MGAT4C: variants seen among roughly 807,000 people sequenced by gnomAD.
The protein encoded by MGAT4C is alpha-1,3-mannosyl-glycoprotein 4-beta-N-acetylglucosaminyltransferase C.
In MGAT4C, 19 loss-of-function variants were observed where a neutral mutation model predicts 40.1. The observed-to-expected ratio is 0.47, with a 90% confidence interval of 0.33 to 0.70. The LOEUF is 0.70. Ranked by LOEUF, MGAT4C falls within the 30% of genes least tolerant of loss-of-function variation. The pLI is 0.02. For missense variants in MGAT4C, 491 were observed against 563.2 expected (o/e 0.87, Z 1.30); for synonymous variants, 181 against 187.1 (o/e 0.97, Z 0.27).
rs1156927230 is a variant in MGAT4C at position 86,684,405 on chromosome 12, C to T, written c.-229+42804G>A. On this transcript the variant is annotated intron_variant, in intron 2 of 7. Transcript: ENST00000548651. Reference sequence around the variant, plus strand: ...CATAGTATTCCATGGTATATATGTGCCACATTTTCTTTATCCAGTCTATCA... The same window carrying T: ...CATAGTATTCCATGGTATATATGTGTCACATTTTCTTTATCCAGTCTATCA... Among the ~76,000 whole-genome samples the T allele has an allele frequency of 3.3e-5, 5 of 152,170 alleles. No individual in the cohort carries two copies. The East Asian group carries it at 9.6e-4, about 29-fold the overall frequency.
chr12:86,767,740 A>T (rs1320773112), intron 1 of MGAT4C, among the ~76,000 whole-genome samples: 1 of 152,244 alleles, frequency 6.6e-6, no homozygotes, highest in Non-Finnish European at 1.5e-5. Context: ...GTAATCCAGC[A>T]TATAAACAGA....
intron 2 of MGAT4C, among the ~76,000 whole-genome samples, chr12:86,044,297 G>C (rs1251454882): frequency 6.6e-6 from 1 of 152,152 alleles, no homozygotes; most frequent in Non-Finnish European, 1.5e-5. Context: ...TCCCATGGAT[G>C]GTGCCAGCCA....
chr12:86,283,134 C>A (rs10745408), intron 4 of MGAT4C, among the ~76,000 whole-genome samples: 99,074 of 151,582 alleles, frequency 0.65, 33,158 homozygotes, highest in South Asian at 0.78. Context: ...TCTGCCTCCT[C>A]AGAACAATGA....
Position 86,205,950 on chromosome 12 carries a change from CAAA to C in MGAT4C, c.-57+50286_-57+50288del, listed in dbSNP as rs58201797. Among the ~76,000 whole-genome samples the C allele has an allele frequency of 3.5e-4, 52 of 149,164 alleles. 1 individual carries two copies. Among genetic ancestry groups the C allele is most frequent in the Middle Eastern group, 3.5e-3 (1 of 284 alleles). On this transcript the variant is annotated intron_variant, in intron 1 of 4. Coordinates refer to ENST00000611864, the MANE Select transcript of MGAT4C (RefSeq NM_001351288.2). The stretch of plus-strand genomic sequence containing the variant: ...TGTGTTCTATTCAGCATGCTTCCAC[CAAA>C]AAAAAAAAAAAATTAAGCAATTATG...
intron 2 of MGAT4C, among the ~76,000 whole-genome samples, chr12:86,665,258 A>C (rs1440382369): frequency 6.6e-6 from 1 of 152,180 alleles, no homozygotes; most frequent in East Asian, 1.9e-4. Context: ...GAAAACATTA[A>C]TGGGTTTGAA....
At position 86,802,155 on chromosome 12, in the gene MGAT4C, T is replaced by C. The variant is rs373914963; in HGVS notation, c.-262+36511A>G. ...TATACCACACAAGGTGCCATATATT[T>C]AGAATTGTTGAAAGATTAGTGAAGA... On this transcript the variant is annotated intron_variant, in intron 1 of 7. Transcript: ENST00000548651. 6.6e-5 allele frequency among the ~76,000 whole-genome samples: 10 copies of C among 152,082 alleles called. No homozygotes were observed. The South Asian group carries it at 8.3e-4, about 13-fold the overall frequency.
intron 1 of MGAT4C, among the ~76,000 whole-genome samples, chr12:86,232,695 C>A (rs2136019207): frequency 6.6e-6 from 1 of 152,236 alleles, no homozygotes; most frequent in Non-Finnish European, 1.5e-5. Context: ...ACAAGGAATG[C>A]CAAATAAAGA....
chr12:86,345,878 A>T (rs1955020765), intron 3 of MGAT4C, among the ~76,000 whole-genome samples: 1 of 152,202 alleles, frequency 6.6e-6, no homozygotes, highest in Non-Finnish European at 1.5e-5. Flanking sequence ...CAACAGTGTA[A>T]AAGTGTTCCT....
At chr12:86,652,377 T>C (rs980573196) in intron 2 of MGAT4C, among the ~76,000 whole-genome samples, 3 of 151,836 alleles carry the variant, frequency 2.0e-5, no homozygotes, top group Non-Finnish European at 2.9e-5. Flanking sequence ...TAAATGCATT[T>C]AGCTCATGAA....
chr12:86,143,093 C>T (rs1883059753), intron 1 of MGAT4C, among the ~76,000 whole-genome samples: 1 of 152,112 alleles, frequency 6.6e-6, no homozygotes, highest in African/African-American at 2.4e-5. Flanking sequence ...TTAATCATGG[C>T]CTTTCAGCCT....
chr12:86,730,309 TA>T (rs1441555087), intron 1 of MGAT4C, among the ~76,000 whole-genome samples: 1 of 152,036 alleles, frequency 6.6e-6, no homozygotes, highest in African/African-American at 2.4e-5. Flanking sequence ...TTTATTAAAT[TA>T]AGAAACTGCA....
At chr12:86,448,322 T>G (rs889556171) in intron 2 of MGAT4C, among the ~76,000 whole-genome samples, 1 of 152,168 alleles carries the variant, frequency 6.6e-6, no homozygotes, top group Non-Finnish European at 1.5e-5. Context: ...TACTTGTACC[T>G]AATTTCTTGC....
intron 1 of MGAT4C, among the ~76,000 whole-genome samples, chr12:86,083,237 T>C (rs1871170567): frequency 6.6e-6 from 1 of 152,072 alleles, no homozygotes; most frequent in Non-Finnish European, 1.5e-5. Flanking sequence ...TGACTTACTC[T>C]AGACATTCAT....
intron 2 of MGAT4C, among the ~76,000 whole-genome samples, chr12:86,006,558 C>T (rs1887897816): frequency 6.6e-6 from 1 of 152,180 alleles, no homozygotes; most frequent in Non-Finnish European, 1.5e-5. Flanking sequence ...CTCTCCTTGA[C>T]TAAACTTTAA....
At chr12:86,629,303 G>C (rs1350096664) in intron 2 of MGAT4C, among the ~76,000 whole-genome samples, 2 of 152,060 alleles carry the variant, frequency 1.3e-5, no homozygotes, top group Non-Finnish European at 2.9e-5. Context: ...AAATAGTATA[G>C]GGAGAATTTA....
At chr12:86,140,571 T>C (rs1211687309) in intron 1 of MGAT4C, among the ~76,000 whole-genome samples, 8 of 152,120 alleles carry the variant, frequency 5.3e-5, no homozygotes, top group Non-Finnish European at 1.2e-4. Flanking sequence ...GACGGGTTGA[T>C]GGGTGCAGCA....
At chr12:86,425,433 T>A (rs1367408177) in intron 3 of MGAT4C, among the ~76,000 whole-genome samples, 1 of 152,146 alleles carries the variant, frequency 6.6e-6, no homozygotes, top group Non-Finnish European at 1.5e-5. Context: ...TGCCAACATG[T>A]AAGATGCACC....
At chr12:86,235,923 A>T in intron 1 of MGAT4C, among the ~76,000 whole-genome samples, 1 of 152,080 alleles carries the variant, frequency 6.6e-6, no homozygotes, top group Non-Finnish European at 1.5e-5. Context: ...ACTACCAACT[A>T]CTCCAAAAAC....
chr12:86,825,920 AT>A (rs1952797531), intron 1 of MGAT4C, among the ~76,000 whole-genome samples: 1 of 151,512 alleles, frequency 6.6e-6, no homozygotes, highest in Admixed American at 6.6e-5. Flanking sequence ...AGAGAATAAA[AT>A]AATTTTCTCC....
Sources: gnomAD v4.1 joint callset for allele counts (sites outside exome capture counted in the v4.1 genomes callset) on GRCh38, gnomAD v4.1.1 for gene constraint, MANE v1.5 for transcripts, NCBI Gene and HGNC (gene_info 2026-07-23, HGNC 2026-07-21) for gene names.